Variants in STX2 observed in about 807,000 individuals in gnomAD.
STX2 encodes the protein syntaxin-2.
In STX2, 27 loss-of-function variants were observed where a neutral mutation model predicts 40.6. The observed-to-expected ratio is 0.66, with a 90% CI of 0.49 to 0.92. STX2 has a LOEUF of 0.92. Ranked by LOEUF, STX2 falls within the 40% of genes least tolerant of loss-of-function variation. The probability of loss-of-function intolerance (pLI) is 0.00; values close to 1 mark genes in which losing one functional copy is unlikely to be tolerated. For missense variants in STX2, 328 were observed against 366.1 expected (o/e 0.90, Z 0.85); for synonymous variants, 123 against 119.1 (o/e 1.03, Z -0.22).
At chr12:130,795,752 A>G (rs1203927686) in intron 10 of STX2, among the ~76,000 whole-genome samples, 3 of 152,116 alleles carry the variant, frequency 2.0e-5, no homozygotes, top group African/African-American at 7.2e-5. Flanking sequence ...AAACACTTTT[A>G]AAAACGGGAT....
At chr12:130,835,935 C>T (rs1218497726) in intron 1 of STX2, among the ~76,000 whole-genome samples, 1 of 148,420 alleles carries the variant, frequency 6.7e-6, no homozygotes, top group African/African-American at 2.6e-5. Context: ...GTCAGAGGCA[C>T]GTTCTTCACA....
At chr12:130,792,047 C>A in intron 10 of STX2, 70 bp from the exon 11 acceptor site, 1 of 1,065,304 alleles carries the variant, frequency 9.4e-7, no homozygotes. Flanking sequence ...GCTAACTAAT[C>A]CTTCTGGGAT....
In STX2 at chr12:130,791,839, G is replaced by A; in HGVS notation, c.*184C>T. On this transcript the variant is annotated 3_prime_UTR_variant, in exon 11 of 11. Coordinates refer to ENST00000392373, the MANE Select transcript of STX2 (RefSeq NM_194356.4). The stretch of plus-strand genomic sequence containing the variant: ...AGATTCATTCACGAAATGACAGGAT[G>A]CTGATTTGGTTGCAGATGTGGTCTG... The A allele has an allele frequency of 7.2e-7, 1 of 1,397,208 alleles. No homozygotes were observed. Among genetic ancestry groups the A allele is most frequent in the Non-Finnish European group, 1.0e-6 (1 of 987,024 alleles). The allele number at this position is 1,397,208 out of a possible 1,614,324, so 86.6% of individuals were successfully genotyped here.
At position 130,816,381 on chromosome 12, in the gene STX2, CATGACGGAGTGAA is replaced by C. The variant is rs1455361770; in HGVS notation, c.206-3363_206-3351del. Reference sequence around the variant, plus strand: ...TTACACAGCAGGGGTGGGGGGCACTCATGACGGAGTGAACTTGCTGCCACTACAGGCCCACGGG... The same window carrying C: ...TTACACAGCAGGGGTGGGGGGCACTCCTTGCTGCCACTACAGGCCCACGGG... On this transcript the variant is annotated intron_variant, in intron 3 of 10. Coordinates refer to ENST00000392373, the MANE Select transcript of STX2 (RefSeq NM_194356.4). Among the ~76,000 whole-genome samples, 554 of 152,290 alleles carry C rather than the reference CATGACGGAGTGAA, an allele frequency of 3.6e-3. 1 individual carries two copies. The highest frequency in any genetic ancestry group is 0.013 in the African/African-American group (529 of 41,550).
chr12:130,825,169 T>C (rs970882989), intron 2 of STX2, among the ~76,000 whole-genome samples: 4 of 151,888 alleles, frequency 2.6e-5, no homozygotes, highest in Non-Finnish European at 4.4e-5. Flanking sequence ...CCCAAGCAGC[T>C]GGGATTACAG....
intron 6 of STX2, among the ~76,000 whole-genome samples, chr12:130,802,840 G>GA (rs1491495642): frequency 6.6e-6 from 1 of 152,164 alleles, no homozygotes; most frequent in African/African-American, 2.4e-5. Flanking sequence ...TGTGTTACAG[G>GA]AAAGAAGTCA....
At chr12:130,828,755 C>A (rs1404817388) in intron 1 of STX2, among the ~76,000 whole-genome samples, 1 of 151,156 alleles carries the variant, frequency 6.6e-6, no homozygotes, top group African/African-American at 2.4e-5. Flanking sequence ...GTAGTCCCAG[C>A]TACTCGGGAG....
chr12:130,835,214 G>A (rs2136369203), intron 1 of STX2, among the ~76,000 whole-genome samples: 1 of 152,324 alleles, frequency 6.6e-6, no homozygotes, highest in East Asian at 1.9e-4. Context: ...GCTTGCGCCT[G>A]GGAGGTCAAG....
At position 130,821,765 on chromosome 12, in the gene STX2, A is replaced by C. The variant is rs771382820; in HGVS notation, c.129T>G (p.Ile43Met). ...CTTCAACATATTGAGTTATTTTATC[A>C]ATACTGTTTCTAATCTCCTCCACCT... ...FHQVEEIRNS[I>M]DKITQYVEEV... The change falls in exon 3 of 11, where the codon ATT becomes ATG. Residue 43 changes from isoleucine (I) to methionine (M), a missense_variant. Ile to Met is a conservative substitution (Grantham distance 10). Transcript: ENST00000392373. The C allele has an allele frequency of 1.2e-5, 20 of 1,612,622 alleles. No individual in the cohort carries two copies. In the African/African-American group the frequency reaches 2.4e-4, roughly 19 times the overall value.
At chr12:130,795,888 G>A (rs1447425727) in intron 10 of STX2, 107 bp downstream of exon 10, 2 of 1,363,044 alleles carry the variant, frequency 1.5e-6, no homozygotes. Context: ...TATCTGTACT[G>A]CGTGGCTGGC....
chr12:130,813,657 G>C (rs1368770480), intron 3 of STX2, among the ~76,000 whole-genome samples: 2 of 152,158 alleles, frequency 1.3e-5, no homozygotes, highest in Non-Finnish European at 2.9e-5. Flanking sequence ...GGGCAGTGCT[G>C]AGACCTAAGG....
chr12:130,813,431 G>C lies in STX2; in HGVS notation c.206-400C>G, dbSNP rs7308211. The stretch of plus-strand genomic sequence containing the variant: ...GAAAGGAAAACGGAGACGTAACGAT[G>C]ATCTCAACAAAGTCTCCCGTGTGTG... On this transcript the variant is annotated intron_variant, in intron 3 of 10. Transcript: ENST00000392373. Among the ~76,000 whole-genome samples the C allele has an allele frequency of 4.8e-3, 733 of 152,326 alleles. 2 individuals carry two copies. The highest frequency in any genetic ancestry group is 0.017 in the African/African-American group (697 of 41,568).
chr12:130,796,387 G>A (rs1269775186), intron 9 of STX2, among the ~76,000 whole-genome samples: 2 of 152,172 alleles, frequency 1.3e-5, no homozygotes, highest in Non-Finnish European at 2.9e-5. Context: ...TCAGGAGGCT[G>A]TGGCAGGAGA....
Position 130,791,726 on chromosome 12 carries a change from G to A in STX2, c.*297C>T, listed in dbSNP as rs1360671963. 12 of 585,390 alleles carry A rather than the reference G, an allele frequency of 2.0e-5. 1 individual carries two copies. Among genetic ancestry groups the A allele is most frequent in the South Asian group, 8.6e-5 (4 of 46,568 alleles). 36.3% of individuals were successfully genotyped at this position (585,390 alleles called of 1,614,324 possible). A position where few individuals can be genotyped will look rare whatever the true frequency, so the allele number is the denominator to read the frequency against. On this transcript the variant is annotated 3_prime_UTR_variant, in exon 11 of 11. Transcript: ENST00000392373. ...GCATCACACCCACTGTGCTTACGGCGCTGTCACTGAACAAGACGTTCGGTT... is the reference window on the plus strand; with the variant it reads ...GCATCACACCCACTGTGCTTACGGCACTGTCACTGAACAAGACGTTCGGTT...
At chr12:130,808,753 G>A (rs1399759372) in intron 4 of STX2, 49 bp from the exon 5 acceptor site, 3 of 1,481,496 alleles carry the variant, frequency 2.0e-6, no homozygotes, top group Non-Finnish European at 2.8e-6. Flanking sequence ...AAATGAAAAT[G>A]TTCCAAGCCT....
intron 4 of STX2, among the ~76,000 whole-genome samples, chr12:130,809,917 C>T (rs536991678): frequency 6.6e-6 from 1 of 152,078 alleles, no homozygotes; most frequent in East Asian, 1.9e-4. Flanking sequence ...CACAAGTGCT[C>T]GGGGGATCAC....
rs756681593 is a variant in STX2, at chr12:130,801,461, A to C, written c.491T>G (p.Leu164Arg). ...ITGRTTTDDE[L>R]EEMLESGKPS... Reference sequence around the variant, plus strand: ...CTTCCCGCTCTCCAGCATCTCTTCTAGCTCGTCGTCTGTGGTGGTTCTCCC... The same window carrying C: ...CTTCCCGCTCTCCAGCATCTCTTCTCGCTCGTCGTCTGTGGTGGTTCTCCC... Residue 164 changes from leucine (L) to arginine (R), a missense_variant, in exon 7 of 11, where the codon CTA (leucine) becomes CGA (arginine). Transcript: ENST00000392373. 1 of 1,610,120 alleles carries C rather than the reference A, an allele frequency of 6.2e-7. No individual in the cohort carries two copies. The highest frequency in any genetic ancestry group is 8.5e-7 in the Non-Finnish European group (1 of 1,177,772).
At chr12:130,821,627 C>T (rs575180069) in intron 3 of STX2, 62 bp downstream of exon 3, 8 of 1,354,700 alleles carry the variant, frequency 5.9e-6, no homozygotes, top group East Asian at 2.3e-5. Context: ...AGGCCTGTGC[C>T]GCAGACAGCC....
intron 3 of STX2, among the ~76,000 whole-genome samples, chr12:130,814,103 G>A (rs1212295902): frequency 6.6e-6 from 1 of 152,140 alleles, no homozygotes; most frequent in East Asian, 1.9e-4. Flanking sequence ...GTCATCAGAC[G>A]CAGCCTGGCT....
Sources: allele counts gnomAD v4.1 joint callset (sites outside exome capture counted in the v4.1 genomes callset), GRCh38; gene constraint gnomAD v4.1.1; transcripts MANE v1.5; gene names NCBI Gene and HGNC (gene_info 2026-07-23, HGNC 2026-07-21).